The following LRBA variants were observed in gnomAD, a reference collection of about 807,000 sequenced individuals.
The protein encoded by LRBA is lipopolysaccharide-responsive and beige-like anchor protein.
In LRBA, 176 loss-of-function variants were observed where a neutral mutation model predicts 330.0. The ratio of observed to expected loss-of-function variants is 0.53; its 90% CI spans 0.47 to 0.60. LRBA has a LOEUF of 0.60. LRBA is among the 20% of genes least tolerant of loss of function. The pLI, the probability that LRBA is intolerant of heterozygous loss-of-function variation, is 0.00. For synonymous variants in LRBA, 1,230 were observed against 1,193.0 expected (o/e 1.03, Z -0.64); for missense variants, 3,259 against 3,444.8 (o/e 0.95, Z 1.35).
At chr4:150,347,159 AG>A (rs1331042102) in intron 48 of LRBA, among the ~76,000 whole-genome samples, 1 of 152,230 alleles carries the variant, frequency 6.6e-6, no homozygotes, top group Non-Finnish European at 1.5e-5. Context: ...TGAGGTATTC[AG>A]GGTAGTCAAA....
At chr4:150,618,466 AT>A (rs1006067218) in intron 37 of LRBA, among the ~76,000 whole-genome samples, 2 of 152,208 alleles carry the variant, frequency 1.3e-5, no homozygotes, top group Non-Finnish European at 2.9e-5. Flanking sequence ...CTTTGTTTAT[AT>A]TAGGAAACAG....
chr4:150,985,571 T>C lies in LRBA; in HGVS notation c.216+28856A>G, dbSNP rs531429287. The stretch of plus-strand genomic sequence containing the variant: ...TGGAGTGCAGTGGCACCATCTCGGC[T>C]CACTGCAAGTTCCGCCTCCCGGGTT... On this transcript the variant is annotated intron_variant, in intron 2 of 56. Coordinates refer to ENST00000651943, the MANE Select transcript of LRBA (RefSeq NM_001364905.1). Among the ~76,000 whole-genome samples the C allele has an allele frequency of 1.9e-3, 289 of 151,904 alleles. 1 individual carries two copies. The highest frequency in any genetic ancestry group is 6.8e-3 in the African/African-American group (281 of 41,442).
intron 2 of LRBA, among the ~76,000 whole-genome samples, chr4:150,935,429 G>A (rs1444928787): frequency 6.6e-6 from 1 of 152,004 alleles, no homozygotes; most frequent in Non-Finnish European, 1.5e-5. Context: ...ATCTAGGAGT[G>A]TATTAAAACA....
chr4:150,527,576 A>T (rs1462786945), intron 40 of LRBA, among the ~76,000 whole-genome samples: 1 of 152,248 alleles, frequency 6.6e-6, no homozygotes, highest in Non-Finnish European at 1.5e-5. Flanking sequence ...CTAAAATGAC[A>T]GCTATGGGCT....
chr4:150,423,119 C>T, intron 46 of LRBA: 1 of 869,934 alleles, frequency 1.1e-6, no homozygotes, highest in Non-Finnish European at 2.0e-6. Flanking sequence ...TTATAAAGTG[C>T]CAGGAAGCTA....
At chr4:150,465,415 ATTT>A (rs1388024934) in intron 44 of LRBA, among the ~76,000 whole-genome samples, 1 of 151,954 alleles carries the variant, frequency 6.6e-6, no homozygotes, top group Non-Finnish European at 1.5e-5. Flanking sequence ...ATTCTTTTTA[ATTT>A]TTTGAGAAAC....
At chr4:150,468,780 TTAAAG>T (rs1438838751) in intron 43 of LRBA, among the ~76,000 whole-genome samples, 1 of 152,038 alleles carries the variant, frequency 6.6e-6, no homozygotes, top group Non-Finnish European at 1.5e-5. Flanking sequence ...TAGCTGAATA[TTAAAG>T]TAGTTCTCTG....
At chr4:150,396,930 G>C (rs1744813556) in intron 47 of LRBA, among the ~76,000 whole-genome samples, 1 of 152,004 alleles carries the variant, frequency 6.6e-6, no homozygotes, top group African/African-American at 2.4e-5. Context: ...AACTTTATTT[G>C]CCACTTGTTC....
chr4:150,599,302 C>T (rs1196290262), intron 37 of LRBA, among the ~76,000 whole-genome samples, 171 bp from the exon 38 acceptor site: 1 of 152,110 alleles, frequency 6.6e-6, no homozygotes, highest in African/African-American at 2.4e-5. Flanking sequence ...TTAGGTATGT[C>T]CTTGAAAATA....
At chr4:150,423,107 A>G in intron 46 of LRBA, 1 of 842,866 alleles carries the variant, frequency 1.2e-6, no homozygotes, top group South Asian at 1.3e-5. Flanking sequence ...GGCATCTGAC[A>G]ATTATAAAGT....
intron 44 of LRBA, among the ~76,000 whole-genome samples, chr4:150,462,103 A>C (rs930510432): frequency 6.6e-6 from 1 of 151,798 alleles, no homozygotes; most frequent in Non-Finnish European, 1.5e-5. Flanking sequence ...GTTGAATCTT[A>C]TCTCTTCCAA....
intron 37 of LRBA, among the ~76,000 whole-genome samples, chr4:150,669,578 CT>C (rs567640392): frequency 1.8e-4 from 26 of 146,368 alleles, no homozygotes; most frequent in South Asian, 2.2e-4. Flanking sequence ...AATATTTTCT[CT>C]TTTTTTTTTT....
intron 17 of LRBA, among the ~76,000 whole-genome samples, chr4:150,877,608 C>T (rs750715442): frequency 2.6e-5 from 4 of 152,186 alleles, no homozygotes; most frequent in Non-Finnish European, 4.4e-5. Flanking sequence ...CACTGACAGG[C>T]ATTAGACATG....
At chr4:150,391,403 A>G (rs1250983259) in intron 47 of LRBA, among the ~76,000 whole-genome samples, 9 of 152,188 alleles carry the variant, frequency 5.9e-5, no homozygotes, top group Non-Finnish European at 1.2e-4. Context: ...GCTTTTATAT[A>G]AAAAGATTTA....
Position 150,908,827 on chromosome 4 carries a change from G to T in LRBA, c.1192C>A (p.Leu398Ile). ...GTFKFKAESD[L>I]FLAEHHKLLL... ...AGTTTGTGATGCTCAGCAAGGAAAA[G>T]GTCGCTTTCTGCTTTGAATTTAAAT... The change falls in exon 10 of 57, where the codon CTT (leucine) becomes ATT (isoleucine). Residue 398 changes from leucine (L) to isoleucine (I), a missense_variant. Leu to Ile is a conservative substitution (Grantham distance 5). Coordinates refer to ENST00000651943, the MANE Select transcript of LRBA (RefSeq NM_001364905.1). 6.2e-7 allele frequency: 1 copy of T among 1,613,270 alleles called. No homozygotes were observed. Among genetic ancestry groups the T allele is most frequent in the Non-Finnish European group, 8.5e-7 (1 of 1,179,622 alleles).
At chr4:150,874,800 C>T (rs1323047058) in intron 17 of LRBA, among the ~76,000 whole-genome samples, 2 of 152,094 alleles carry the variant, frequency 1.3e-5, no homozygotes, top group African/African-American at 4.8e-5. Context: ...CCCACTCCCA[C>T]GGACTAGCAA....
chr4:150,677,273 C>A (rs1782639975), intron 37 of LRBA, among the ~76,000 whole-genome samples: 1 of 152,006 alleles, frequency 6.6e-6, no homozygotes, highest in Non-Finnish European at 1.5e-5. Context: ...CTAAATTCTG[C>A]AATATAAATT....
chr4:150,532,960 C>T (rs969536173), intron 40 of LRBA, among the ~76,000 whole-genome samples: 2 of 152,044 alleles, frequency 1.3e-5, no homozygotes, highest in African/African-American at 2.4e-5. Context: ...GGGTAAGTGT[C>T]TTCTATCTAT....
At chr4:150,307,315 G>A (rs541577394) in intron 52 of LRBA, among the ~76,000 whole-genome samples, 36 of 152,010 alleles carry the variant, frequency 2.4e-4, no homozygotes, top group African/African-American at 8.7e-4. Flanking sequence ...GGTATTTGGG[G>A]GCGCTCTGCA....
Sources: allele counts gnomAD v4.1 joint callset (sites outside exome capture counted in the v4.1 genomes callset), GRCh38; gene constraint gnomAD v4.1.1; transcripts MANE v1.5; gene names NCBI Gene and HGNC (gene_info 2026-07-23, HGNC 2026-07-21).